OR2AJ1: variants seen among roughly 807,000 people sequenced by gnomAD.
OR2AJ1 encodes the protein olfactory receptor family 2 subfamily AJ member 1, also known as olfactory receptor 2AJ1.
For synonymous variants in OR2AJ1, 105 were observed against 60.3 expected (o/e 1.74, Z -3.44); for missense variants, 280 against 163.2 (o/e 1.72, Z -3.90).
At chr1:247,926,638 AC>A (rs1660094266) in intron 1 of OR2AJ1, among the ~76,000 whole-genome samples, 1 of 152,170 alleles carries the variant, frequency 6.6e-6, no homozygotes, top group Non-Finnish European at 1.5e-5. Flanking sequence ...GGGGTTACTT[AC>A]AGTTCTACAA....
chr1:247,925,179 A>C lies in OR2AJ1; in HGVS notation c.-23+11A>C, dbSNP rs1456777071. The C allele has an allele frequency of 6.6e-6, 1 of 152,650 alleles. No homozygotes were observed. The highest frequency in any genetic ancestry group is 2.4e-5 in the African/African-American group (1 of 41,456). 9.5% of individuals were successfully genotyped at this position (152,650 alleles called of 1,614,324 possible). A position where few individuals can be genotyped will look rare whatever the true frequency, so the allele number is the denominator to read the frequency against. ...GCGGAGCGGAACGTGGTAAGGTCAAATGTGGTGGGAGATGGGTACCCCGGG... is the reference window on the plus strand; with the variant it reads ...GCGGAGCGGAACGTGGTAAGGTCAACTGTGGTGGGAGATGGGTACCCCGGG... On this transcript the variant is annotated intron_variant, in intron 1 of 1. Transcript: ENST00000318244.
intron 1 of OR2AJ1, among the ~76,000 whole-genome samples, chr1:247,931,037 G>GTA (rs1660148159): frequency 6.6e-6 from 1 of 152,100 alleles, no homozygotes; most frequent in Admixed American, 6.6e-5. Context: ...AAAACTTGAA[G>GTA]TATATATAAA....
chr1:247,928,746 A>G (rs578068366), intron 1 of OR2AJ1, among the ~76,000 whole-genome samples: 22 of 152,260 alleles, frequency 1.4e-4, no homozygotes, highest in Non-Finnish European at 2.4e-4. Flanking sequence ...TTTTGTCCCT[A>G]TGAAATGGTT....
rs190879816 is a variant in OR2AJ1, at chr1:247,934,514, C to T, written c.746C>T (p.Thr249Met). 328 of 717,488 alleles carry T rather than the reference C, an allele frequency of 4.6e-4. No individual in the cohort carries two copies. In the African/African-American group the frequency reaches 5.4e-3, roughly 12 times the overall value. 44.4% of individuals were successfully genotyped at this position (717,488 alleles called of 1,614,324 possible). A position where few individuals can be genotyped will look rare whatever the true frequency, so the allele number is the denominator to read the frequency against. Reference sequence around the variant, plus strand: ...TGTTCCTTCCACATGATTGTGGTCACGATGTACTATGGGCCATTTATTTTT... The same window carrying T: ...TGTTCCTTCCACATGATTGTGGTCATGATGTACTATGGGCCATTTATTTTT... ...STCSFHMIVV[T>M]MYYGPFIFTY... Residue 249 changes from threonine (T) to methionine (M), a missense_variant, in exon 2 of 2, where the codon ACG (threonine) becomes ATG (methionine). Thr to Met is a moderately conservative substitution (Grantham distance 81, BLOSUM62 -1). Transcript: ENST00000318244.
chr1:247,929,767 TG>T (rs377003319), intron 1 of OR2AJ1, among the ~76,000 whole-genome samples: 25 of 152,314 alleles, frequency 1.6e-4, no homozygotes, highest in African/African-American at 5.5e-4. Context: ...ATTTCATATC[TG>T]GTGTTTCATG....
intron 1 of OR2AJ1, among the ~76,000 whole-genome samples, chr1:247,933,483 G>A (rs1660175783): frequency 6.6e-6 from 1 of 152,132 alleles, no homozygotes; most frequent in Admixed American, 6.5e-5. Context: ...GTAGATTTGA[G>A]TAAATTATGT....
intron 1 of OR2AJ1, among the ~76,000 whole-genome samples, chr1:247,927,116 C>A (rs1256142489): frequency 6.6e-6 from 1 of 152,142 alleles, no homozygotes; most frequent in Admixed American, 6.5e-5. Context: ...TAGCTTGGTT[C>A]ATCTCACACT....
At chr1:247,933,042 CAA>C (rs1558371436) in intron 1 of OR2AJ1, among the ~76,000 whole-genome samples, 1 of 152,096 alleles carries the variant, frequency 6.6e-6, no homozygotes, top group Non-Finnish European at 1.5e-5. Context: ...AGTTTTGTGA[CAA>C]TATTTCATTA....
In OR2AJ1 at chr1:247,934,214, G is replaced by T. The variant is rs1043812004; in HGVS notation, c.446G>T (p.Trp149Leu). 1 of 718,648 alleles carries T rather than the reference G, an allele frequency of 1.4e-6. No individual in the cohort carries two copies. 44.5% of individuals were successfully genotyped at this position (718,648 alleles called of 1,614,324 possible). A position where few individuals can be genotyped will look rare whatever the true frequency, so the allele number is the denominator to read the frequency against. ...AGCGCTCTCATGGCTGGAGGCTCCT[G>T]GCTCATTGGGGTTTTCAACTCCACA... ...YASALMAGGSWLIGVFNSTVH... is the reference protein window; with the variant it reads ...YASALMAGGSLLIGVFNSTVH... The change falls in exon 2 of 2, where the codon TGG becomes TTG. Residue 149 changes from tryptophan (W) to leucine (L), a missense_variant. By Grantham distance (61) the Trp-to-Leu change is moderately conservative. Transcript: ENST00000318244.
Position 247,934,333 on chromosome 1 carries a change from T to C in OR2AJ1, c.565T>C (p.Cys189Arg). 2.7e-6 allele frequency: 2 copies of C among 737,476 alleles called. No individual in the cohort carries two copies. The highest frequency in any genetic ancestry group is 2.5e-6 in the Non-Finnish European group (1 of 395,886). 45.7% of individuals were successfully genotyped at this position (737,476 alleles called of 1,614,324 possible). The part of the protein sequence containing the change: ...CEVPAMLKLS[C>R]ADTTRYERGV... ...AGTCCCTGCCATGTTGAAGTTGTCC[T>C]GTGCAGACACAACACGCTATGAACG... Residue 189 changes from cysteine to arginine, a missense_variant, in exon 2 of 2, where the codon TGT becomes CGT. Transcript: ENST00000318244.
At position 247,933,830 on chromosome 1, in the gene OR2AJ1, C is replaced by T; in HGVS notation, c.62C>T (p.Ser21Phe). ...ATACTTTTGGGATTGTTCTCTTCTT[C>T]CCCAACAAGTGTGGTCTTCTTCTTA... ...DFILLGLFSSSPTSVVFFLVL... is the reference protein window; with the variant it reads ...DFILLGLFSSFPTSVVFFLVL... Residue 21 changes from serine (S) to phenylalanine (F), a missense_variant, in exon 2 of 2, where the codon TCC becomes TTC. By Grantham distance (155) the Ser-to-Phe change is radical. Coordinates refer to ENST00000318244, the MANE Select transcript of OR2AJ1 (RefSeq NM_001355235.2). 1.5e-6 allele frequency: 1 copy of T among 650,854 alleles called. No individual in the cohort carries two copies. Among genetic ancestry groups the T allele is most frequent in the Non-Finnish European group, 2.8e-6 (1 of 352,200 alleles). The allele number at this position is 650,854 out of a possible 1,614,324, so 40.3% of individuals were successfully genotyped here.
intron 1 of OR2AJ1, among the ~76,000 whole-genome samples, chr1:247,925,846 A>C (rs1331979028): frequency 2.0e-5 from 3 of 152,212 alleles, no homozygotes; most frequent in African/African-American, 7.2e-5. Context: ...ATAAAATCTA[A>C]TAGATGCATT....
chr1:247,932,967 G>A (rs564650332), intron 1 of OR2AJ1, among the ~76,000 whole-genome samples: 16 of 152,184 alleles, frequency 1.1e-4, no homozygotes, highest in South Asian at 2.1e-4. Flanking sequence ...CATTGTTGAT[G>A]TTGACTAGAT....
chr1:247,933,706 T>C lies in OR2AJ1; in HGVS notation c.-22-41T>C, dbSNP rs1193251738. On this transcript the variant is annotated intron_variant, in intron 1 of 1. Coordinates refer to ENST00000318244, the MANE Select transcript of OR2AJ1 (RefSeq NM_001355235.2). ...ATTATTGTTAGATTAAGATTTACAC[T>C]AATATTTTTTCTTTATTATTAATTC... is the stretch of plus-strand genomic sequence containing the variant. 1.1e-4 allele frequency: 59 copies of C among 554,596 alleles called. 1 individual carries two copies. The highest frequency in any genetic ancestry group is 7.1e-5 in the Admixed American group (2 of 28,066). The allele number at this position is 554,596 out of a possible 1,614,324, so 34.4% of individuals were successfully genotyped here. A position where few individuals can be genotyped will look rare whatever the true frequency, so the allele number is the denominator to read the frequency against.
chr1:247,928,731 T>C (rs900060707), intron 1 of OR2AJ1, among the ~76,000 whole-genome samples: 3 of 152,160 alleles, frequency 2.0e-5, no homozygotes, highest in Admixed American at 6.5e-5. Context: ...CCTTAATCCC[T>C]TGAGTTTTGT....
intron 1 of OR2AJ1, among the ~76,000 whole-genome samples, chr1:247,929,401 C>T (rs975494948): frequency 7.2e-5 from 11 of 152,086 alleles, no homozygotes; most frequent in Admixed American, 1.3e-4. Flanking sequence ...TCCTTTCCTT[C>T]CTGCCCCTCT....
chr1:247,928,827 C>A (rs962991388), intron 1 of OR2AJ1, among the ~76,000 whole-genome samples: 1 of 152,062 alleles, frequency 6.6e-6, no homozygotes, highest in East Asian at 1.9e-4. Context: ...GGGCGCGGTG[C>A]CTCACGCCTG....
intron 1 of OR2AJ1, among the ~76,000 whole-genome samples, chr1:247,927,004 C>T (rs1660098418): frequency 6.6e-6 from 1 of 152,162 alleles, no homozygotes; most frequent in African/African-American, 2.4e-5. Context: ...TGTTTTCAGT[C>T]CTTCGAGGCT....
rs183744401 is a variant in OR2AJ1 at position 247,929,932 on chromosome 1, A to G, written c.-22-3815A>G. On this transcript the variant is annotated intron_variant, in intron 1 of 1. Transcript: ENST00000318244. ...CGAATTCCTGGGCTAGGTAACATCC[A>G]TTATATTTCTATTATATCCATGTCT... Among the ~76,000 whole-genome samples the G allele has an allele frequency of 9.1e-4, 139 of 152,298 alleles. 1 individual carries two copies. The highest frequency in any genetic ancestry group is 3.2e-3 in the African/African-American group (134 of 41,564).
Sources: gnomAD v4.1 joint callset for allele counts (sites outside exome capture counted in the v4.1 genomes callset) on GRCh38, gnomAD v4.1.1 for gene constraint, MANE v1.5 for transcripts, NCBI Gene and HGNC (gene_info 2026-07-23, HGNC 2026-07-21) for gene names.